Variants in NF1 observed in about 807,000 individuals in gnomAD.
NF1 encodes the protein neurofibromin.
Under a neutral mutation model 325.7 loss-of-function variants are expected in NF1, and 122 were observed. The ratio of observed to expected loss-of-function variants is 0.37; its 90% CI spans 0.32 to 0.44. The LOEUF is 0.44. Among genes scored for constraint, NF1 ranks in the 20% least tolerant of loss-of-function variants. The probability of loss-of-function intolerance (pLI) is 1.00; values close to 1 mark genes in which losing one functional copy is unlikely to be tolerated. For missense variants in NF1, 2,140 were observed against 3,415.4 expected, an observed-to-expected ratio of 0.63 and a Z score of 9.31; for synonymous variants, 1,091 against 1,186.0, an observed-to-expected ratio of 0.92 and a Z score of 1.65.
At chr17:31,195,490 T>G (rs140020617) in intron 8 of NF1, among the ~76,000 whole-genome samples, 1,659 of 152,254 alleles carry the variant, frequency 0.011, 14 homozygotes, top group South Asian at 0.017. Context: ...CAAAACCTGT[T>G]CATCTTCCAA....
At chr17:31,296,001 T>A in intron 36 of NF1, 2 of 1,614,154 alleles carry the variant, frequency 1.2e-6, no homozygotes, top group Non-Finnish European at 1.7e-6. Flanking sequence ...AGAAGTTTAA[T>A]GTTGTTGTTA....
intron 36 of NF1, among the ~76,000 whole-genome samples, chr17:31,281,017 A>T (rs2068108818): frequency 6.6e-6 from 1 of 152,222 alleles, no homozygotes; most frequent in South Asian, 2.1e-4. Context: ...TGCCTGTTTC[A>T]TGTAGCACCC....
chr17:31,324,427 G>A (rs1395737789), intron 36 of NF1, among the ~76,000 whole-genome samples: 1 of 152,110 alleles, frequency 6.6e-6, no homozygotes, highest in Non-Finnish European at 1.5e-5. Flanking sequence ...GGGTGATTAG[G>A]ATATCCATTG....
intron 35 of NF1, among the ~76,000 whole-genome samples, chr17:31,263,928 C>G (rs1354992673): frequency 1.3e-5 from 2 of 152,244 alleles, no homozygotes; most frequent in East Asian, 3.9e-4. Context: ...GTCTCCCAGT[C>G]ATTTATCTAT....
intron 1 of NF1, among the ~76,000 whole-genome samples, chr17:31,100,333 C>G (rs1302703913): frequency 6.6e-6 from 1 of 152,038 alleles, no homozygotes; most frequent in Non-Finnish European, 1.5e-5. Flanking sequence ...AAAACTGAAG[C>G]TTTTTGGATT....
In NF1 at chr17:31,359,007, T is replaced by C. The variant is rs758370502; in HGVS notation, c.8152T>C (p.Phe2718Leu). ...TGGCTTGTGGCGGTTTGCAGGACCG[T>C]TTTCAAAGGTAAGAAAATATATTTT... ...FNGLWRFAGP[F>L]SKQTQIPDYA... The change falls in exon 56 of 58, where the codon TTT becomes CTT. Residue 2718 changes from phenylalanine to leucine, a missense_variant. Coordinates refer to ENST00000358273, the MANE Select transcript of NF1 (RefSeq NM_001042492.3). 6.2e-7 allele frequency: 1 copy of C among 1,613,368 alleles called. No homozygotes were observed. Among genetic ancestry groups the C allele is most frequent in the Non-Finnish European group, 8.5e-7 (1 of 1,179,702 alleles).
At chr17:31,135,819 C>T (rs893809073) in intron 1 of NF1, among the ~76,000 whole-genome samples, 10 of 152,006 alleles carry the variant, frequency 6.6e-5, no homozygotes, top group Admixed American at 5.2e-4. Flanking sequence ...TCAAGCGATC[C>T]ACCTGCCTCA....
intron 57 of NF1, among the ~76,000 whole-genome samples, chr17:31,368,004 A>T (rs916315041): frequency 6.6e-6 from 1 of 152,224 alleles, no homozygotes; most frequent in African/African-American, 2.4e-5. Flanking sequence ...AAGGACTAAG[A>T]TGAAAAAATT....
intron 8 of NF1, among the ~76,000 whole-genome samples, chr17:31,200,150 A>G (rs1567834807): frequency 2.0e-5 from 3 of 152,064 alleles, no homozygotes; most frequent in Non-Finnish European, 4.4e-5. Flanking sequence ...AAAAAAAAAA[A>G]AAGAAGTTCA....
At chr17:31,285,514 G>T (rs978470013) in intron 36 of NF1, among the ~76,000 whole-genome samples, 1 of 152,126 alleles carries the variant, frequency 6.6e-6, no homozygotes, top group African/African-American at 2.4e-5. Context: ...TGATAAGCAA[G>T]ACAAAATGTC....
At chr17:31,258,062 G>A (rs1317090113) in intron 31 of NF1, among the ~76,000 whole-genome samples, 1 of 152,128 alleles carries the variant, frequency 6.6e-6, no homozygotes, top group Non-Finnish European at 1.5e-5. Flanking sequence ...TATAAGTGAT[G>A]ATACAGTGAA....
In NF1 at chr17:31,170,015, A is replaced by C; in HGVS notation, c.586+18A>C. The C allele has an allele frequency of 6.6e-7, 1 of 1,519,710 alleles. No homozygotes were observed. The allele number at this position is 1,519,710 out of a possible 1,614,324, so 94.1% of individuals were successfully genotyped here. A position where few individuals can be genotyped will look rare whatever the true frequency, so the allele number is the denominator to read the frequency against. On this transcript the variant is annotated intron_variant, in intron 5 of 57. Transcript: ENST00000358273. ...CCTGAAGGGTAAGTTTAAATGTATA[A>C]TATATCTGAAAAAAATCACTGGGTC... is the stretch of plus-strand genomic sequence containing the variant.
At chr17:31,367,323 C>T (rs760796519) in intron 57 of NF1, 39 of 1,193,968 alleles carry the variant, frequency 3.3e-5, no homozygotes, top group Non-Finnish European at 4.2e-5. Flanking sequence ...ACTGCTTACC[C>T]CACACTCATC....
At chr17:31,296,340 A>G in intron 36 of NF1, 1 of 1,614,010 alleles carries the variant, frequency 6.2e-7, no homozygotes, top group Non-Finnish European at 8.5e-7. Context: ...ATCAAAGCCT[A>G]GAAACAAACA....
chr17:31,254,697 T>C (rs975470701), intron 31 of NF1, among the ~76,000 whole-genome samples: 2 of 152,222 alleles, frequency 1.3e-5, no homozygotes, highest in East Asian at 1.9e-4. Context: ...CTTTATTTAT[T>C]AAGATTATGT....
chr17:31,105,046 C>T (rs1331653482), intron 1 of NF1, among the ~76,000 whole-genome samples: 1 of 152,100 alleles, frequency 6.6e-6, no homozygotes, highest in Admixed American at 6.5e-5. Flanking sequence ...TATGGGCGTG[C>T]GCCACCATAC....
chr17:31,203,812 A>T (rs1281512569), intron 11 of NF1, among the ~76,000 whole-genome samples: 1 of 152,096 alleles, frequency 6.6e-6, no homozygotes, highest in African/African-American at 2.4e-5. Flanking sequence ...AATAAGATAA[A>T]AGTTTTAGTG....
chr17:31,188,623 A>G (rs1379049275), intron 8 of NF1, among the ~76,000 whole-genome samples: 1 of 152,204 alleles, frequency 6.6e-6, no homozygotes, highest in Non-Finnish European at 1.5e-5. Flanking sequence ...AAGGATACAA[A>G]GTATTGATCC....
intron 1 of NF1, among the ~76,000 whole-genome samples, chr17:31,141,727 G>A (rs1289750740): frequency 2.6e-5 from 4 of 152,128 alleles, no homozygotes; most frequent in Non-Finnish European, 4.4e-5. Flanking sequence ...TCTGGAGCAC[G>A]GTCTCTTGAG....
Sources: allele counts gnomAD v4.1 joint callset (sites outside exome capture counted in the v4.1 genomes callset), GRCh38; gene constraint gnomAD v4.1.1; transcripts MANE v1.5; gene names NCBI Gene and HGNC (gene_info 2026-07-23, HGNC 2026-07-21).